Variants in PKIB observed in about 807,000 individuals in gnomAD.
PKIB encodes the protein PKI-beta.
In PKIB, 2 loss-of-function variants were observed where a neutral mutation model predicts 4.5. The ratio of observed to expected loss-of-function variants is 0.44; its 90% CI spans 0.18 to 1.39. The LOEUF is 1.39. PKIB is among the 40% of genes most tolerant of loss of function. PKIB has a pLI of 0.27. For missense variants in PKIB, 94 were observed against 92.6 expected (o/e 1.02, Z -0.06); for synonymous variants, 38 against 36.0 (o/e 1.06, Z -0.20).
chr6:122,603,548 A>G (rs2114744688), intron 3 of PKIB, among the ~76,000 whole-genome samples: 1 of 152,120 alleles, frequency 6.6e-6, no homozygotes, highest in Non-Finnish European at 1.5e-5. Context: ...GTGCTATCTC[A>G]ACTCACTGCA....
chr6:122,710,345 A>G (rs909278370), intron 3 of PKIB, among the ~76,000 whole-genome samples: 3 of 152,148 alleles, frequency 2.0e-5, no homozygotes, highest in Non-Finnish European at 4.4e-5. Context: ...CCCTCTTTGT[A>G]GGGAAGAGTA....
intron 2 of PKIB, among the ~76,000 whole-genome samples, chr6:122,491,528 C>A (rs975861059): frequency 6.6e-6 from 1 of 152,158 alleles, no homozygotes; most frequent in African/African-American, 2.4e-5. Flanking sequence ...TAGCTACCTA[C>A]TGTAAAAATT....
intron 3 of PKIB, among the ~76,000 whole-genome samples, chr6:122,601,269 C>G (rs1256548982): frequency 6.6e-6 from 1 of 151,348 alleles, no homozygotes; most frequent in Admixed American, 6.6e-5. Flanking sequence ...TGTTTCCAAC[C>G]CAAGAAAGTC....
rs1011484875 is a variant in PKIB, at chr6:122,664,447, A to G, written c.-75-10631A>G. Among the ~76,000 whole-genome samples the G allele has an allele frequency of 4.6e-5, 7 of 152,176 alleles. 1 individual carries two copies. Among genetic ancestry groups the G allele is most frequent in the Admixed American group, 2.6e-4 (4 of 15,272 alleles). The stretch of plus-strand genomic sequence containing the variant: ...TTATTTTAGAGACGGGTTTTTCTCT[A>G]TCACCAGGCTGGAGAGAAGTGATGC... On this transcript the variant is annotated intron_variant, in intron 2 of 4. Coordinates refer to ENST00000368452, the MANE Select transcript of PKIB (RefSeq NM_181795.3).
intron 2 of PKIB, among the ~76,000 whole-genome samples, chr6:122,488,917 A>G (rs1775855374): frequency 6.6e-6 from 1 of 152,194 alleles, no homozygotes; most frequent in Non-Finnish European, 1.5e-5. Flanking sequence ...ATTGAAACAT[A>G]ATACCACAGG....
At chr6:122,646,041 T>G (rs1399317830) in intron 2 of PKIB, among the ~76,000 whole-genome samples, 1 of 152,080 alleles carries the variant, frequency 6.6e-6, no homozygotes, top group Non-Finnish European at 1.5e-5. Context: ...ACTGCTCACA[T>G]GGGGCCTAGG....
At chr6:122,545,756 A>C (rs1772473830) in intron 2 of PKIB, among the ~76,000 whole-genome samples, 1 of 151,280 alleles carries the variant, frequency 6.6e-6, no homozygotes, top group Admixed American at 6.6e-5. Flanking sequence ...TTACCCATGT[A>C]ACAAACCTGC....
chr6:122,613,051 T>A (rs1386338926), intron 1 of PKIB, among the ~76,000 whole-genome samples: 1 of 152,188 alleles, frequency 6.6e-6, no homozygotes, highest in Non-Finnish European at 1.5e-5. Context: ...TCGCAATATT[T>A]CTCAGAAACG....
In PKIB at chr6:122,508,992, G is replaced by A. The variant is rs188875220; in HGVS notation, c.-248+31053G>A. Among the ~76,000 whole-genome samples, 12 of 152,128 alleles carry A rather than the reference G, an allele frequency of 7.9e-5. No homozygotes were observed. In the East Asian group the frequency reaches 9.7e-4, roughly 12 times the overall value. On this transcript the variant is annotated intron_variant, in intron 2 of 6. Coordinates refer to the PKIB transcript ENST00000392491. ...TCTTGATCTCCTGACCTAGTGATCC[G>A]CCCACCTCAGCCTCCCAAAGTGCTG...
chr6:122,505,694 AT>A (rs993297872), intron 2 of PKIB, among the ~76,000 whole-genome samples: 29 of 152,096 alleles, frequency 1.9e-4, no homozygotes, highest in African/African-American at 6.8e-4. Flanking sequence ...TTTAATATTA[AT>A]TTTTTATCCC....
intron 2 of PKIB, among the ~76,000 whole-genome samples, chr6:122,664,929 T>C (rs1382129126): frequency 6.6e-6 from 1 of 152,192 alleles, no homozygotes; most frequent in Admixed American, 6.5e-5. Flanking sequence ...CATTTTAAAA[T>C]TCAAATTTGG....
intron 2 of PKIB, among the ~76,000 whole-genome samples, chr6:122,509,359 T>C (rs1301811699): frequency 2.0e-5 from 3 of 152,168 alleles, no homozygotes; most frequent in Non-Finnish European, 4.4e-5. Flanking sequence ...TTTTTATGTA[T>C]TGGAACTACA....
intron 2 of PKIB, among the ~76,000 whole-genome samples, chr6:122,545,938 A>G (rs1368789839): frequency 6.6e-6 from 1 of 151,740 alleles, no homozygotes; most frequent in Non-Finnish European, 1.5e-5. Flanking sequence ...TGTGTAGGGA[A>G]GAGGTAGAAC....
chr6:122,608,115 A>G (rs1774606609), upstream of PKIB, among the ~76,000 whole-genome samples: 1 of 152,196 alleles, frequency 6.6e-6, no homozygotes, highest in African/African-American at 2.4e-5. Flanking sequence ...TTGTACTTCT[A>G]AAACTTCAAA....
chr6:122,512,840 C>A (rs1162796617), intron 2 of PKIB, among the ~76,000 whole-genome samples: 2 of 152,190 alleles, frequency 1.3e-5, no homozygotes, highest in Non-Finnish European at 2.9e-5. Flanking sequence ...CAAGTCAACC[C>A]TCTTCTCCCT....
chr6:122,682,033 T>A (rs1777915071), intron 3 of PKIB, among the ~76,000 whole-genome samples: 3 of 152,342 alleles, frequency 2.0e-5, no homozygotes, highest in Admixed American at 2.0e-4. Context: ...CCAGTTATAC[T>A]GCTGTGGCCC....
intron 3 of PKIB, among the ~76,000 whole-genome samples, chr6:122,681,868 A>G (rs1245333287): frequency 6.6e-6 from 1 of 152,168 alleles, no homozygotes; most frequent in Non-Finnish European, 1.5e-5. Context: ...TGAGGCTTGG[A>G]TATGGCTTAA....
At chr6:122,521,006 A>C (rs1210527912) in intron 2 of PKIB, among the ~76,000 whole-genome samples, 1 of 152,184 alleles carries the variant, frequency 6.6e-6, no homozygotes, top group Admixed American at 6.5e-5. Flanking sequence ...TTTGTGGCAG[A>C]ATTTCTTCAA....
intron 2 of PKIB, among the ~76,000 whole-genome samples, chr6:122,567,309 T>C (rs893589233): frequency 2.6e-5 from 4 of 152,198 alleles, no homozygotes; most frequent in African/African-American, 9.6e-5. Flanking sequence ...GGTGAAAAGA[T>C]ACCCTTTGAA....
Sources: allele counts gnomAD v4.1 joint callset (sites outside exome capture counted in the v4.1 genomes callset), GRCh38; gene constraint gnomAD v4.1.1; transcripts MANE v1.5; gene names NCBI Gene and HGNC (gene_info 2026-07-23, HGNC 2026-07-21).